The following LARGE1 variants were observed in gnomAD, a reference collection of about 807,000 sequenced individuals.
LARGE1 encodes xylosyl- and glucuronyltransferase LARGE1.
In LARGE1, 43 loss-of-function variants were observed where a neutral mutation model predicts 87.6. The ratio of observed to expected loss-of-function variants is 0.49; its 90% CI spans 0.38 to 0.63. The LOEUF (loss-of-function observed/expected upper bound fraction) is 0.63, where lower values mean the gene tolerates loss of function less well. Ranked by LOEUF, LARGE1 falls within the 30% of genes least tolerant of loss-of-function variation. The pLI is 0.00. For missense variants in LARGE1, 802 were observed against 1,000.2 expected (o/e 0.80, Z 2.67); for synonymous variants, 434 against 394.6 (o/e 1.10, Z -1.18).
intron 7 of LARGE1, among the ~76,000 whole-genome samples, chr22:33,406,163 T>C (rs2066090344): frequency 6.6e-6 from 1 of 152,188 alleles, no homozygotes; most frequent in Non-Finnish European, 1.5e-5. Flanking sequence ...AAGTGAGTGG[T>C]GACTCCATTC....
At chr22:33,459,661 A>G (rs570389150) in intron 6 of LARGE1, among the ~76,000 whole-genome samples, 169 of 149,680 alleles carry the variant, frequency 1.1e-3, no homozygotes, top group Middle Eastern at 3.5e-3. Flanking sequence ...GCTGGTCCAT[A>G]GTGGCTCTGG....
chr22:33,636,728 C>T (rs240607), intron 3 of LARGE1, among the ~76,000 whole-genome samples: 75,503 of 151,270 alleles, frequency 0.5, 20,810 homozygotes, highest in Middle Eastern at 0.67. Context: ...GATGGGGTCT[C>T]GCTATGTTGC....
chr22:33,416,478 C>A (rs748307603), intron 7 of LARGE1, among the ~76,000 whole-genome samples: 1 of 152,154 alleles, frequency 6.6e-6, no homozygotes, highest in Non-Finnish European at 1.5e-5. Context: ...ATAGTGCAGG[C>A]CACATTGCAT....
At chr22:33,106,479 A>G in the LARGE1 span, among the ~76,000 whole-genome samples, 2 of 150,460 alleles carry the variant, frequency 1.3e-5, no homozygotes, top group South Asian at 4.2e-4. Context: ...AAGTAATTGC[A>G]GTTTTCGCCA....
chr22:33,568,342 G>A lies in LARGE1; in HGVS notation c.616-3323C>T, dbSNP rs73168542. Among the ~76,000 whole-genome samples, 1,135 of 152,348 alleles carry A rather than the reference G, an allele frequency of 7.5e-3. 11 individuals are homozygous for A. Among genetic ancestry groups the A allele is most frequent in the Non-Finnish European group, 0.011 (764 of 68,034 alleles). On this transcript the variant is annotated intron_variant, in intron 5 of 14. Coordinates refer to ENST00000397394, the MANE Select transcript of LARGE1 (RefSeq NM_133642.5). ...CCAGAGCGAAAGCGAGACTAGAGAT[G>A]CTTTATGCATCAGCCTCATGGAGCA...
At position 33,304,374 on chromosome 22, in the gene LARGE1, CGTT is replaced by C; in HGVS notation, c.1582_1584del (p.Asn528del). 2 of 1,614,268 alleles carry C rather than the reference CGTT, an allele frequency of 1.2e-6. No homozygotes were observed. The highest frequency in any genetic ancestry group is 1.7e-6 in the Non-Finnish European group (2 of 1,180,052). On this transcript the variant is annotated inframe_deletion, in exon 12 of 15. Coordinates refer to ENST00000397394, the MANE Select transcript of LARGE1 (RefSeq NM_133642.5). The stretch of plus-strand genomic sequence containing the variant: ...TCCTTGTACACGATGTGGTAGCCCA[CGTT>C]GTGGCGGCTCATAAGCACCTCAGAG...
chr22:33,077,990 A>G, the LARGE1 span, among the ~76,000 whole-genome samples: 2 of 151,664 alleles, frequency 1.3e-5, no homozygotes, highest in Admixed American at 6.6e-5. Flanking sequence ...TCTGAACTGC[A>G]TGTACTATTT....
the LARGE1 span, chr22:33,105,615 C>A: frequency 6.6e-6 from 1 of 152,058 alleles, no homozygotes; most frequent in Non-Finnish European, 1.5e-5. Context: ...AAACGTGGGG[C>A]TAAAATAAGC....
At chr22:33,337,287 C>T (rs910683708) in intron 10 of LARGE1, among the ~76,000 whole-genome samples, 4 of 152,232 alleles carry the variant, frequency 2.6e-5, no homozygotes, top group Admixed American at 2.6e-4. Flanking sequence ...ACACTGAATC[C>T]AGGGTCTCCC....
intron 6 of LARGE1, among the ~76,000 whole-genome samples, chr22:33,542,099 T>A (rs567149394): frequency 6.8e-6 from 1 of 147,952 alleles, no homozygotes; most frequent in Non-Finnish European, 1.5e-5. Context: ...GAGGTAGAGG[T>A]TGCATTGAGC....
At chr22:33,656,720 G>A (rs562638877) in intron 2 of LARGE1, among the ~76,000 whole-genome samples, 4 of 152,044 alleles carry the variant, frequency 2.6e-5, no homozygotes, top group Admixed American at 6.6e-5. Context: ...GTTGATCTGC[G>A]GTTCAGCCCA....
At chr22:33,070,825 C>T in the LARGE1 span, among the ~76,000 whole-genome samples, 8 of 151,992 alleles carry the variant, frequency 5.3e-5, no homozygotes, top group Non-Finnish European at 2.9e-5. Flanking sequence ...GGAAATGTGC[C>T]GGAAGGGTGA....
At chr22:33,881,636 AG>A (rs2064686455) in intron 1 of LARGE1, among the ~76,000 whole-genome samples, 2 of 152,224 alleles carry the variant, frequency 1.3e-5, no homozygotes, top group Admixed American at 1.3e-4. Context: ...CAATTTGAAC[AG>A]TTTTGTTTAA....
At chr22:33,160,204 T>C (rs1921976291), downstream of LARGE1, among the ~76,000 whole-genome samples, 1 of 152,238 alleles carries the variant, frequency 6.6e-6, no homozygotes, top group Non-Finnish European at 1.5e-5. Flanking sequence ...AGCAAATCAA[T>C]TGATATCTCT....
chr22:33,143,457 A>G, the LARGE1 span, among the ~76,000 whole-genome samples: 1 of 152,230 alleles, frequency 6.6e-6, no homozygotes, highest in African/African-American at 2.4e-5. Context: ...GAAGATGGTC[A>G]CCAAAAGAGC....
At chr22:33,698,269 T>C (rs1392300966) in intron 2 of LARGE1, among the ~76,000 whole-genome samples, 1 of 149,100 alleles carries the variant, frequency 6.7e-6, no homozygotes, top group Non-Finnish European at 1.5e-5. Flanking sequence ...AGATGGGATT[T>C]TGACATGTTG....
chr22:33,541,227 C>G (rs977026627), intron 6 of LARGE1, among the ~76,000 whole-genome samples: 1 of 146,500 alleles, frequency 6.8e-6, no homozygotes, highest in African/African-American at 2.5e-5. Context: ...GAAAATATGG[C>G]AGGGAGAGGT....
intron 5 of LARGE1, among the ~76,000 whole-genome samples, chr22:33,568,674 G>A (rs8139892): frequency 0.013 from 1,896 of 146,592 alleles, 42 homozygotes; most frequent in African/African-American, 0.044. Context: ...GCTGAGGCAG[G>A]AGAATCACTT....
At chr22:33,834,197 C>T (rs2063050521) in intron 1 of LARGE1, among the ~76,000 whole-genome samples, 1 of 152,032 alleles carries the variant, frequency 6.6e-6, no homozygotes, top group African/African-American at 2.4e-5. Flanking sequence ...CTACAGCAGC[C>T]AAAACGGACA....
Sources: gnomAD v4.1 joint callset for allele counts (sites outside exome capture counted in the v4.1 genomes callset) on GRCh38, gnomAD v4.1.1 for gene constraint, MANE v1.5 for transcripts, NCBI Gene and HGNC (gene_info 2026-07-23, HGNC 2026-07-21) for gene names.